GSTA2: variants seen among roughly 807,000 people sequenced by gnomAD.
GSTA2 encodes glutathione S-transferase A2.
A neutral mutation model predicts 22.4 loss-of-function variants in GSTA2; 27 were observed. The ratio of observed to expected loss-of-function variants is 1.21; its 90% CI spans 0.89 to 1.67. The LOEUF is 1.67. Among genes scored for constraint, GSTA2 ranks in the 40% most tolerant of loss-of-function variants. GSTA2 has a pLI of 0.00. For synonymous variants in GSTA2, 121 were observed against 86.8 expected, an observed-to-expected ratio of 1.39 and a Z score of -2.19; for missense variants, 302 against 260.2, an observed-to-expected ratio of 1.16 and a Z score of -1.11.
Position 52,750,196 on chromosome 6 carries a change from G to A in GSTA2, c.*381C>T, listed in dbSNP as rs1762711114. 1 of 183,782 alleles carries A rather than the reference G, an allele frequency of 5.4e-6. No individual in the cohort carries two copies. Among genetic ancestry groups the A allele is most frequent in the Non-Finnish European group, 1.1e-5 (1 of 87,516 alleles). The allele number at this position is 183,782 out of a possible 1,614,324, so 11.4% of individuals were successfully genotyped here. On this transcript the variant is annotated 3_prime_UTR_variant, in exon 7 of 7. Transcript: ENST00000493422. ...TATCCAGGATGGTAACTCTTCTCCT[G>A]TGCATACCTGAAAATGTCAGAGGTG...
At chr6:52,759,572 T>TGTTTG (rs1348016177) in intron 1 of GSTA2, among the ~76,000 whole-genome samples, 1 of 52,334 alleles carries the variant, frequency 1.9e-5, no homozygotes, top group Admixed American at 2.4e-4. Flanking sequence ...TGTTTTTTTT[T>TGTTTG]TTTTTTTTTT....
At chr6:52,762,305 T>G (rs996798751) in intron 1 of GSTA2, among the ~76,000 whole-genome samples, 7 of 152,216 alleles carry the variant, frequency 4.6e-5, no homozygotes, top group African/African-American at 1.7e-4. Flanking sequence ...GCAGTTGAGA[T>G]AAGAGGAAGG....
At position 52,757,963 on chromosome 6, in the gene GSTA2, G is replaced by A. The variant is rs376966272; in HGVS notation, c.-16C>T. 6.3e-7 allele frequency: 1 copy of A among 1,588,376 alleles called. No homozygotes were observed. Among genetic ancestry groups the A allele is most frequent in the Non-Finnish European group, 8.6e-7 (1 of 1,157,344 alleles). On this transcript the variant is annotated 5_prime_UTR_variant, in exon 2 of 7. Coordinates refer to ENST00000493422, the MANE Select transcript of GSTA2 (RefSeq NM_000846.5). ...TCTCTGCCATGGTAGCAGTCTCCTGGAGGTTTCTCTAAGCCTGAGTGAATG... is the reference window on the plus strand; with the variant it reads ...TCTCTGCCATGGTAGCAGTCTCCTGAAGGTTTCTCTAAGCCTGAGTGAATG...
In GSTA2 at chr6:52,753,012, A is replaced by C; in HGVS notation, c.273-17T>G. On this transcript the variant is annotated splice_polypyrimidine_tract_variant and intron_variant, in intron 4 of 6. Coordinates refer to ENST00000493422, the MANE Select transcript of GSTA2 (RefSeq NM_000846.5). ...ATATCAATCCTGAAAGACAAAAACA[A>C]CCAAATGGTCAAATATCTTTTGCCT... The C allele has an allele frequency of 1.3e-6, 2 of 1,581,320 alleles. No homozygotes were observed.
chr6:52,753,067 A>G (rs533963800), intron 4 of GSTA2, 72 bp from the exon 5 acceptor site: 38 of 1,452,358 alleles, frequency 2.6e-5, no homozygotes, highest in East Asian at 4.6e-5. Context: ...AAAACCTAAG[A>G]GAGTAGAGTA....
intron 1 of GSTA2, among the ~76,000 whole-genome samples, chr6:52,761,074 T>C (rs1195136205): frequency 1.3e-5 from 2 of 152,156 alleles, no homozygotes; most frequent in Non-Finnish European, 2.9e-5. Flanking sequence ...ATAAATGCAG[T>C]AGGTTGTTTA....
At chr6:52,760,837 TTGAC>T (rs1452560879) in intron 1 of GSTA2, among the ~76,000 whole-genome samples, 7 of 152,200 alleles carry the variant, frequency 4.6e-5, no homozygotes, top group African/African-American at 1.7e-4. Flanking sequence ...TTTCTCTACT[TTGAC>T]AACCTAAAAA....
In GSTA2 at chr6:52,751,714, G is replaced by A; in HGVS notation, c.415-6C>T. The A allele has an allele frequency of 1.2e-6, 2 of 1,614,130 alleles. No homozygotes were observed. Among genetic ancestry groups the A allele is most frequent in the South Asian group, 2.2e-5 (2 of 91,082 alleles). Reference sequence around the variant, plus strand: ...TGTCCGTGGCTCTTTAAGACCTGGAGAATGGGAGGAATCAGATCAGGAACA... The same window carrying A: ...TGTCCGTGGCTCTTTAAGACCTGGAAAATGGGAGGAATCAGATCAGGAACA... On this transcript the variant is annotated splice_region_variant and splice_polypyrimidine_tract_variant and intron_variant, in intron 5 of 6. Coordinates refer to ENST00000493422, the MANE Select transcript of GSTA2 (RefSeq NM_000846.5).
intron 1 of GSTA2, among the ~76,000 whole-genome samples, chr6:52,759,160 C>G (rs577186405): frequency 9.2e-5 from 14 of 152,154 alleles, no homozygotes; most frequent in South Asian, 2.1e-4. Context: ...AGTAATGTTT[C>G]ATGAGTTGTT....
intron 5 of GSTA2, among the ~76,000 whole-genome samples, chr6:52,752,371 C>G (rs1417039850): frequency 6.6e-6 from 1 of 152,210 alleles, no homozygotes; most frequent in Non-Finnish European, 1.5e-5. Context: ...GAATCTTCCT[C>G]TGCATCCCAC....
At chr6:52,751,947 G>A (rs112882595) in intron 5 of GSTA2, among the ~76,000 whole-genome samples, 35 of 152,234 alleles carry the variant, frequency 2.3e-4, no homozygotes, top group South Asian at 1.5e-3. Flanking sequence ...TCACTGTGGC[G>A]TCTACACTAC....
rs73740540 is a variant in GSTA2 at position 52,758,093 on chromosome 6, T to C, written c.-30-116A>G. ...GCTGAAGAAGAACCTGCCTTCTTCA[T>C]GACGGTGTTGGAGGAGTTCCCGGAA... is the stretch of plus-strand genomic sequence containing the variant. On this transcript the variant is annotated intron_variant, in intron 1 of 6. Transcript: ENST00000493422. 2,416 of 644,012 alleles carry C rather than the reference T, an allele frequency of 3.8e-3. 42 individuals carry two copies. The African/African-American group carries it at 0.038, about 10-fold the overall frequency. The allele number at this position is 644,012 out of a possible 1,614,324, so 39.9% of individuals were successfully genotyped here.
At chr6:52,754,109 T>TC (rs1762796708) in intron 4 of GSTA2, among the ~76,000 whole-genome samples, 1 of 152,260 alleles carries the variant, frequency 6.6e-6, no homozygotes, top group South Asian at 2.1e-4. Flanking sequence ...CGCATTTTTC[T>TC]CCTCCATTTA....
chr6:52,750,505 G>A lies in GSTA2; in HGVS notation c.*72C>T. ...TCACAACAGGCACAATCAACACTTA[G>A]GTAAAGCACTTAATTGTTGCAAAAC... On this transcript the variant is annotated 3_prime_UTR_variant, in exon 7 of 7. Coordinates refer to ENST00000493422, the MANE Select transcript of GSTA2 (RefSeq NM_000846.5). The A allele has an allele frequency of 3.4e-6, 5 of 1,460,938 alleles. No individual in the cohort carries two copies. Among genetic ancestry groups the A allele is most frequent in the Non-Finnish European group, 4.8e-6 (5 of 1,051,222 alleles). 90.5% of individuals were successfully genotyped at this position (1,460,938 alleles called of 1,614,324 possible).
intron 4 of GSTA2, 65 bp downstream of exon 4, chr6:52,754,878 A>G: frequency 6.2e-7 from 1 of 1,603,714 alleles, no homozygotes; most frequent in East Asian, 2.2e-5. Context: ...GGTCCCACCC[A>G]CTCAAGGAAG....
intron 1 of GSTA2, among the ~76,000 whole-genome samples, chr6:52,759,386 G>A (rs1409304363): frequency 6.6e-6 from 1 of 152,066 alleles, no homozygotes; most frequent in Non-Finnish European, 1.5e-5. Context: ...AATGTGAATG[G>A]AAAGACACAG....
At chr6:52,761,350 C>T (rs1360932204) in intron 1 of GSTA2, among the ~76,000 whole-genome samples, 3 of 152,084 alleles carry the variant, frequency 2.0e-5, no homozygotes. Flanking sequence ...CTCTGTCTAC[C>T]CATCCATGTA....
intron 1 of GSTA2, among the ~76,000 whole-genome samples, chr6:52,760,119 C>T (rs1263897926): frequency 1.3e-5 from 2 of 152,056 alleles, no homozygotes; most frequent in African/African-American, 4.8e-5. Context: ...TAGCATAATT[C>T]GACAGAATGA....
At chr6:52,751,490 A>G in intron 6 of GSTA2, 87 bp downstream of exon 6, 3 of 1,606,120 alleles carry the variant, frequency 1.9e-6, no homozygotes, top group Non-Finnish European at 2.6e-6. Context: ...GGCTGGGGTC[A>G]AAACATGCTC....
Sources: gnomAD v4.1 joint callset for allele counts (sites outside exome capture counted in the v4.1 genomes callset) on GRCh38, gnomAD v4.1.1 for gene constraint, MANE v1.5 for transcripts, NCBI Gene and HGNC (gene_info 2026-07-23, HGNC 2026-07-21) for gene names.